Variants in CCSER1 observed in about 807,000 individuals in gnomAD.
CCSER1 encodes the protein coiled-coil serine rich protein 1.
In CCSER1, 41 loss-of-function variants were observed where a neutral mutation model predicts 82.0. The ratio of observed to expected loss-of-function variants is 0.50; its 90% confidence interval spans 0.39 to 0.65. The LOEUF is 0.65. CCSER1 is among the 30% of genes least tolerant of loss of function. The pLI is 0.00. For synonymous variants in CCSER1, 414 were observed against 383.9 expected (o/e 1.08, Z -0.92); for missense variants, 1,119 against 1,064.2 (o/e 1.05, Z -0.72).
chr4:91,052,150 G>A (rs1463153716), intron 9 of CCSER1, among the ~76,000 whole-genome samples: 1 of 151,904 alleles, frequency 6.6e-6, no homozygotes, highest in African/African-American at 2.4e-5. Flanking sequence ...AATAGAACAG[G>A]AATGTACTCC....
chr4:91,366,024 G>C (rs115145109), intron 10 of CCSER1, among the ~76,000 whole-genome samples: 15 of 151,946 alleles, frequency 9.9e-5, no homozygotes, highest in Non-Finnish European at 1.9e-4. Flanking sequence ...ACCTTCTTTG[G>C]GGGGTAGGGG....
intron 6 of CCSER1, among the ~76,000 whole-genome samples, chr4:90,653,708 C>T (rs547857073): frequency 2.0e-5 from 3 of 152,022 alleles, no homozygotes; most frequent in South Asian, 4.2e-4. Flanking sequence ...AAATTGTTTC[C>T]TTATTGAGTG....
At chr4:90,535,426 A>G (rs901191332) in intron 5 of CCSER1, among the ~76,000 whole-genome samples, 8 of 152,178 alleles carry the variant, frequency 5.3e-5, no homozygotes, top group East Asian at 3.8e-4. Flanking sequence ...TAATACAAAA[A>G]ACAAAAAAAC....
At chr4:90,211,006 C>G (rs972162520) in intron 1 of CCSER1, among the ~76,000 whole-genome samples, 2 of 152,048 alleles carry the variant, frequency 1.3e-5, no homozygotes, top group Non-Finnish European at 2.9e-5. Context: ...CTCAGACTTT[C>G]AACAGTTTAT....
chr4:90,202,579 T>A (rs1737972162), intron 1 of CCSER1, among the ~76,000 whole-genome samples: 1 of 152,230 alleles, frequency 6.6e-6, no homozygotes, highest in African/African-American at 2.4e-5. Flanking sequence ...TTCACAGCAC[T>A]GCTGTTAATG....
At chr4:91,550,295 C>A (rs1762098710) in intron 10 of CCSER1, among the ~76,000 whole-genome samples, 1 of 152,164 alleles carries the variant, frequency 6.6e-6, no homozygotes, top group Non-Finnish European at 1.5e-5. Flanking sequence ...AATTGTGGCA[C>A]CGTATGTCAC....
At chr4:90,280,801 T>G (rs199634883) in intron 1 of CCSER1, among the ~76,000 whole-genome samples, 1 of 107,662 alleles carries the variant, frequency 9.3e-6, no homozygotes, top group Non-Finnish European at 1.9e-5. Context: ...TTAATCTAAA[T>G]ATTTTATCAC....
intron 10 of CCSER1, among the ~76,000 whole-genome samples, chr4:91,150,043 G>T (rs950976474): frequency 1.3e-5 from 2 of 152,076 alleles, no homozygotes; most frequent in African/African-American, 4.8e-5. Flanking sequence ...GATGGGGATG[G>T]CATTGAATCT....
At chr4:90,217,034 T>C (rs903393523) in intron 1 of CCSER1, among the ~76,000 whole-genome samples, 13 of 152,184 alleles carry the variant, frequency 8.5e-5, no homozygotes, top group Non-Finnish European at 1.5e-5. Context: ...TATTTAATTT[T>C]TTTGTGTGTT....
intron 1 of CCSER1, among the ~76,000 whole-genome samples, chr4:90,228,924 A>C (rs2153425960): frequency 6.6e-6 from 1 of 152,316 alleles, no homozygotes. Flanking sequence ...TTAGAGAAAA[A>C]AGAATAAAAA....
chr4:90,663,919 A>G (rs1008842947), intron 6 of CCSER1: 6 of 328,394 alleles, frequency 1.8e-5, no homozygotes, highest in Non-Finnish European at 3.9e-5. Context: ...ATGAAAGTGA[A>G]GCTAATGCTT....
intron 3 of CCSER1, among the ~76,000 whole-genome samples, chr4:90,395,948 G>C (rs1186731070): frequency 6.6e-6 from 1 of 151,346 alleles, no homozygotes; most frequent in Non-Finnish European, 1.5e-5. Context: ...GGGTGTGGTT[G>C]TGCATGCCTG....
At chr4:90,787,878 A>G (rs1754727976) in intron 7 of CCSER1, among the ~76,000 whole-genome samples, 1 of 152,164 alleles carries the variant, frequency 6.6e-6, no homozygotes, top group Non-Finnish European at 1.5e-5. Context: ...TCAACTCTCT[A>G]CAAGAAGTAG....
intron 10 of CCSER1, among the ~76,000 whole-genome samples, chr4:91,104,869 G>A (rs149942857): frequency 1.4e-3 from 215 of 152,224 alleles, no homozygotes; most frequent in Non-Finnish European, 2.7e-3. Context: ...AATCAGATAG[G>A]ATTAGAGCCC....
At chr4:91,183,939 A>G (rs1426536081) in intron 10 of CCSER1, among the ~76,000 whole-genome samples, 1 of 152,154 alleles carries the variant, frequency 6.6e-6, no homozygotes, top group Non-Finnish European at 1.5e-5. Flanking sequence ...GTCCCCTACT[A>G]ATTTTTGAAA....
At chr4:91,404,493 G>A (rs1752556862) in intron 10 of CCSER1, among the ~76,000 whole-genome samples, 2 of 152,088 alleles carry the variant, frequency 1.3e-5, no homozygotes, top group Admixed American at 1.3e-4. Flanking sequence ...ATGTTAGGGT[G>A]TCAATTTTAG....
At chr4:90,305,721 A>C (rs998079337) in intron 1 of CCSER1, among the ~76,000 whole-genome samples, 5 of 152,208 alleles carry the variant, frequency 3.3e-5, no homozygotes, top group African/African-American at 1.2e-4. Flanking sequence ...ACTCTTGCAC[A>C]CTGTTGGTGG....
At chr4:90,580,329 C>T (rs1781288440) in intron 5 of CCSER1, among the ~76,000 whole-genome samples, 1 of 152,038 alleles carries the variant, frequency 6.6e-6, no homozygotes, top group Admixed American at 6.6e-5. Context: ...CCTTGATTTC[C>T]TCATGTATAA....
chr4:91,541,650 C>A (rs1317907202), intron 10 of CCSER1, among the ~76,000 whole-genome samples: 2 of 152,096 alleles, frequency 1.3e-5, no homozygotes, highest in African/African-American at 2.4e-5. Context: ...GAGTTGGTTC[C>A]AAATCTTTGC....
Sources: allele counts gnomAD v4.1 joint callset (sites outside exome capture counted in the v4.1 genomes callset), GRCh38; gene constraint gnomAD v4.1.1; transcripts MANE v1.5; gene names NCBI Gene and HGNC (gene_info 2026-07-23, HGNC 2026-07-21).